Variants in AGPAT3 observed in about 807,000 individuals in gnomAD.
AGPAT3 encodes the protein 1-acylglycerol-3-phosphate O-acyltransferase 3.
AGPAT3 carries 5 observed loss-of-function variants against 47.3 expected under a neutral mutation model. The observed-to-expected ratio is 0.11, with a 90% CI of 0.06 to 0.22. The LOEUF (loss-of-function observed/expected upper bound fraction) is 0.22, where lower values mean the gene tolerates loss of function less well. AGPAT3 is among the 10% of genes least tolerant of loss of function. AGPAT3 has a pLI of 1.00. For missense variants in AGPAT3, 315 were observed against 493.0 expected (o/e 0.64, Z 3.42); for synonymous variants, 212 against 208.3 (o/e 1.02, Z -0.15).
chr21:43,923,326 G>T (rs1363477567), intron 2 of AGPAT3, among the ~76,000 whole-genome samples: 6 of 152,346 alleles, frequency 3.9e-5, no homozygotes, highest in African/African-American at 1.2e-4. Flanking sequence ...GCTGATGTCA[G>T]GATCTATAGT....
intron 1 of AGPAT3, among the ~76,000 whole-genome samples, chr21:43,902,565 A>G (rs1364010067): frequency 2.6e-5 from 4 of 152,182 alleles, no homozygotes; most frequent in African/African-American, 9.7e-5. Flanking sequence ...GTGCCCTCAT[A>G]TGGCAGAGAG....
chr21:43,948,975 C>T (rs528065743), intron 2 of AGPAT3, among the ~76,000 whole-genome samples: 12 of 152,302 alleles, frequency 7.9e-5, no homozygotes, highest in Admixed American at 7.8e-4. Flanking sequence ...TGTTGGTCTG[C>T]ATGTCTACTG....
At chr21:43,961,251 A>G (rs1162023542) in intron 3 of AGPAT3, among the ~76,000 whole-genome samples, 1 of 151,970 alleles carries the variant, frequency 6.6e-6, no homozygotes, top group Non-Finnish European at 1.5e-5. Flanking sequence ...TTTATTTCAC[A>G]CTCTCATGCT....
At chr21:43,912,169 C>G (rs1435697763) in intron 2 of AGPAT3, among the ~76,000 whole-genome samples, 1 of 152,270 alleles carries the variant, frequency 6.6e-6, no homozygotes, top group Non-Finnish European at 1.5e-5. Flanking sequence ...GTGTCCATGG[C>G]AACACGTGGG....
At position 43,981,696 on chromosome 21, in the gene AGPAT3, G is replaced by A. The variant is rs887967158; in HGVS notation, c.1042+509G>A. Among the ~76,000 whole-genome samples, 5 of 152,036 alleles carry A rather than the reference G, an allele frequency of 3.3e-5. No individual in the cohort carries two copies. Among genetic ancestry groups the A allele is most frequent in the South Asian group, 2.1e-4 (1 of 4,816 alleles). ...GCCTGTCCCTGTGGTGAGCTCCGGC[G>A]CCCACCCACACCCCGTAATTGAGGG... On this transcript the variant is annotated intron_variant, in intron 9 of 9. Transcript: ENST00000291572. This position sits in a 1 kb window ranked among gnomAD's most constrained non-coding sequence, Gnocchi z 5.3.
At chr21:43,879,333 G>A (rs894565730) in intron 1 of AGPAT3, among the ~76,000 whole-genome samples, 19 of 124,376 alleles carry the variant, frequency 1.5e-4, no homozygotes, top group African/African-American at 6.2e-4. Flanking sequence ...CTACAACAGA[G>A]TGAGACTCTA....
chr21:43,941,213 A>G (rs1251863751), intron 2 of AGPAT3, among the ~76,000 whole-genome samples: 1 of 152,068 alleles, frequency 6.6e-6, no homozygotes, highest in African/African-American at 2.4e-5. Context: ...TCCACGCTAG[A>G]CTGTGTTTGT....
At position 43,984,382 on chromosome 21, in the gene AGPAT3, G is replaced by A. The variant is rs1413322190; in HGVS notation, c.*1990G>A. 1.3e-5 allele frequency: 2 copies of A among 152,254 alleles called. No individual in the cohort carries two copies. Among genetic ancestry groups the A allele is most frequent in the African/African-American group, 4.8e-5 (2 of 41,448 alleles). 9.4% of individuals were successfully genotyped at this position (152,254 alleles called of 1,614,324 possible). A position where few individuals can be genotyped will look rare whatever the true frequency, so the allele number is the denominator to read the frequency against. On this transcript the variant is annotated 3_prime_UTR_variant, in exon 10 of 10. Transcript: ENST00000291572. ...CACTAACACCTGCAAAATCTTTAAG[G>A]AAAAAAGCTGAAGGGTACGACCATG...
At chr21:43,867,360 G>A (rs1345104962) in intron 1 of AGPAT3, 4 of 152,274 alleles carry the variant, frequency 2.6e-5, no homozygotes, top group African/African-American at 7.2e-5. Context: ...GGTGGGAAAT[G>A]TTGGAATTCT....
At chr21:43,879,200 A>G (rs1335217377) in intron 1 of AGPAT3, among the ~76,000 whole-genome samples, 1 of 151,970 alleles carries the variant, frequency 6.6e-6, no homozygotes, top group African/African-American at 2.4e-5. Context: ...AAATACAAAA[A>G]CTAGCTGGGT....
chr21:43,962,178 A>AT, intron 3 of AGPAT3, among the ~76,000 whole-genome samples: 1 of 151,448 alleles, frequency 6.6e-6, no homozygotes. Flanking sequence ...TTTTTTTTGT[A>AT]TTTTTAGTAG....
rs1217818864 is a variant in AGPAT3 at position 43,986,233 on chromosome 21, C to G, written c.*3841C>G. 6.6e-6 allele frequency: 1 copy of G among 152,192 alleles called. No homozygotes were observed. Among genetic ancestry groups the G allele is most frequent in the Non-Finnish European group, 1.5e-5 (1 of 68,030 alleles). The allele number at this position is 152,192 out of a possible 1,614,324, so 9.4% of individuals were successfully genotyped here. A position where few individuals can be genotyped will look rare whatever the true frequency, so the allele number is the denominator to read the frequency against. Reference sequence around the variant, plus strand: ...ACTCGCCACTGGCTGCTTGTTAATTCAGGGATAATGGTGGCATTCTTACAA... The same window carrying G: ...ACTCGCCACTGGCTGCTTGTTAATTGAGGGATAATGGTGGCATTCTTACAA... On this transcript the variant is annotated 3_prime_UTR_variant, in exon 10 of 10. Coordinates refer to ENST00000291572, the MANE Select transcript of AGPAT3 (RefSeq NM_020132.5).
intron 1 of AGPAT3, among the ~76,000 whole-genome samples, chr21:43,866,909 G>A (rs1003238877): frequency 2.0e-5 from 3 of 152,230 alleles, no homozygotes; most frequent in Non-Finnish European, 2.9e-5. Context: ...GTGTGGCCGG[G>A]TGGGAAAGTC....
intron 2 of AGPAT3, among the ~76,000 whole-genome samples, chr21:43,929,941 C>T (rs1213854174): frequency 1.3e-5 from 2 of 152,218 alleles, no homozygotes; most frequent in African/African-American, 2.4e-5. Flanking sequence ...ATAAATGCAG[C>T]GGACACTGGG....
At chr21:43,915,895 C>G (rs1375910221) in intron 2 of AGPAT3, among the ~76,000 whole-genome samples, 1 of 152,018 alleles carries the variant, frequency 6.6e-6, no homozygotes, top group Non-Finnish European at 1.5e-5. Flanking sequence ...TACTGTCTTG[C>G]TTTCATTTCT....
rs1238636466 is a variant in AGPAT3 at position 43,981,209 on chromosome 21, A to G, written c.1042+22A>G. ...GCAGGTAATGGACACTGTCGCTAAC[A>G]GCTCACACTCTGACGGGCCTCACAG... On this transcript the variant is annotated intron_variant, in intron 9 of 9. Transcript: ENST00000291572. The surrounding 1 kb of genome is among the most constrained non-coding windows in gnomAD (Gnocchi z 5.3). 1 of 1,612,312 alleles carries G rather than the reference A, an allele frequency of 6.2e-7. No homozygotes were observed. Among genetic ancestry groups the G allele is most frequent in the Admixed American group, 1.7e-5 (1 of 60,006 alleles).
intron 1 of AGPAT3, among the ~76,000 whole-genome samples, chr21:43,882,922 G>T (rs2085885475): frequency 6.6e-6 from 1 of 152,240 alleles, no homozygotes; most frequent in African/African-American, 2.4e-5. Flanking sequence ...CCGCTCACTT[G>T]TCCTGTGGGG....
At chr21:43,891,792 A>G (rs965764395) in intron 1 of AGPAT3, among the ~76,000 whole-genome samples, 4 of 152,120 alleles carry the variant, frequency 2.6e-5, no homozygotes, top group African/African-American at 9.7e-5. Flanking sequence ...TGAACTCCTC[A>G]AAGTCATCCA....
Position 43,952,918 on chromosome 21 carries a change from T to A in AGPAT3, c.-48-6716T>A, listed in dbSNP as rs928516662. On this transcript the variant is annotated intron_variant, in intron 2 of 9. Coordinates refer to ENST00000291572, the MANE Select transcript of AGPAT3 (RefSeq NM_020132.5). The surrounding 1 kb of genome is among the most constrained non-coding windows in gnomAD (Gnocchi z 5.6). ...CAGGCGTTCTCCAAGGTCCCCAGGG[T>A]GCTGGGGGCTGCCCAGGCTATCTGC... Among the ~76,000 whole-genome samples the A allele has an allele frequency of 2.6e-5, 4 of 151,960 alleles. No individual in the cohort carries two copies. The highest frequency in any genetic ancestry group is 5.9e-5 in the Non-Finnish European group (4 of 67,972).
Sources: gnomAD v4.1 joint callset for allele counts (sites outside exome capture counted in the v4.1 genomes callset) on GRCh38, gnomAD v4.1.1 for gene constraint, Gnocchi (gnomAD v3.1) non-coding constraint, MANE v1.5 for transcripts, NCBI Gene and HGNC (gene_info 2026-07-23, HGNC 2026-07-21) for gene names.